The following ZMYM2 variants were observed in gnomAD, a reference collection of about 807,000 sequenced individuals.
The protein encoded by ZMYM2 is zinc finger MYM-type protein 2.
ZMYM2 carries 56 observed loss-of-function variants against 162.8 expected under a neutral mutation model. That is an observed-to-expected ratio of 0.34 (90% CI 0.28 to 0.43). The LOEUF (loss-of-function observed/expected upper bound fraction) is 0.43. ZMYM2 is among the 20% of genes least tolerant of loss of function. The probability of loss-of-function intolerance (pLI) is 1.00; values close to 1 mark genes in which losing one functional copy is unlikely to be tolerated. For synonymous variants in ZMYM2, 510 were observed against 541.6 expected, an observed-to-expected ratio of 0.94 and a Z score of 0.81; for missense variants, 1,275 against 1,621.8, an observed-to-expected ratio of 0.79 and a Z score of 3.67.
chr13:19,918,577 C>T, the ZMYM2 span, among the ~76,000 whole-genome samples: 2 of 139,864 alleles, frequency 1.4e-5, no homozygotes, highest in African/African-American at 2.7e-5. Context: ...TGGCTCACTG[C>T]AACCTCTGCC....
At chr13:20,000,872 T>C (rs917479905) in intron 3 of ZMYM2, among the ~76,000 whole-genome samples, 1 of 152,256 alleles carries the variant, frequency 6.6e-6, no homozygotes, top group Admixed American at 6.5e-5. Flanking sequence ...ATTCCTCTGA[T>C]GGATCTAGGC....
At chr13:20,083,592 G>A in intron 23 of ZMYM2, 64 bp from the exon 24 acceptor site, 1 of 1,262,910 alleles carries the variant, frequency 7.9e-7, no homozygotes, top group Admixed American at 2.3e-5. Flanking sequence ...CAGACACTAG[G>A]AGTGATGTTT....
chr13:19,885,159 A>C, the ZMYM2 span, among the ~76,000 whole-genome samples: 2 of 152,216 alleles, frequency 1.3e-5, no homozygotes, highest in Non-Finnish European at 2.9e-5. Context: ...CTGTAGTCCC[A>C]GAAACTCAGA....
chr13:19,964,148 G>A (rs1250351740), intron 2 of ZMYM2, among the ~76,000 whole-genome samples: 1 of 150,952 alleles, frequency 6.6e-6, no homozygotes, highest in Non-Finnish European at 1.5e-5. Context: ...AGACTGAGGC[G>A]GGTGGATCAC....
intron 6 of ZMYM2, among the ~76,000 whole-genome samples, chr13:20,016,105 G>A (rs543378905): frequency 8.7e-4 from 132 of 151,232 alleles, no homozygotes; most frequent in Non-Finnish European, 1.2e-3. Context: ...CTGCATTATG[G>A]CTTTTATGTT....
the ZMYM2 span, among the ~76,000 whole-genome samples, chr13:19,923,352 G>T: frequency 1.2e-4 from 7 of 59,114 alleles, 1 homozygote; most frequent in East Asian, 6.3e-4. Context: ...GCGAGACTCC[G>T]TCGCAAAAAA....
At chr13:20,068,127 A>G (rs577426780) in intron 21 of ZMYM2, 11 of 179,854 alleles carry the variant, frequency 6.1e-5, no homozygotes, top group African/African-American at 2.4e-4. Flanking sequence ...GTGCAGATAT[A>G]TAGTGCATGG....
At chr13:19,914,296 T>C in the ZMYM2 span, among the ~76,000 whole-genome samples, 3 of 152,250 alleles carry the variant, frequency 2.0e-5, no homozygotes, top group Non-Finnish European at 4.4e-5. Context: ...GTGGATAAGA[T>C]TACTCATTCT....
At chr13:20,021,576 C>G (rs1412503351) in intron 7 of ZMYM2, among the ~76,000 whole-genome samples, 1 of 152,128 alleles carries the variant, frequency 6.6e-6, no homozygotes, top group Non-Finnish European at 1.5e-5. Flanking sequence ...GTAGAGCAAA[C>G]TTTAGCCTGG....
At chr13:19,871,303 A>C in the ZMYM2 span, among the ~76,000 whole-genome samples, 16,266 of 152,260 alleles carry the variant, frequency 0.11, 995 homozygotes, top group Middle Eastern at 0.14. Flanking sequence ...AACAACAATA[A>C]TGTATAAAAT....
intron 9 of ZMYM2, 44 bp from the exon 10 acceptor site, chr13:20,031,275 C>G (rs1294072005): frequency 7.4e-7 from 1 of 1,356,628 alleles, no homozygotes; most frequent in South Asian, 1.3e-5. Flanking sequence ...AATAGAAATT[C>G]AAACATACAT....
the ZMYM2 span, among the ~76,000 whole-genome samples, chr13:19,866,651 C>T: frequency 1.3e-5 from 2 of 152,044 alleles, no homozygotes; most frequent in African/African-American, 4.8e-5. Flanking sequence ...GCAACAAGGG[C>T]GAAACTCCGT....
chr13:19,969,834 T>C (rs1394940376), intron 2 of ZMYM2, among the ~76,000 whole-genome samples: 2 of 152,012 alleles, frequency 1.3e-5, no homozygotes, highest in Admixed American at 6.6e-5. Flanking sequence ...TTTAAAGCAA[T>C]CTGAAACATT....
At chr13:19,970,600 C>CA (rs11365281) in intron 2 of ZMYM2, among the ~76,000 whole-genome samples, 1,126 of 88,020 alleles carry the variant, frequency 0.013, 15 homozygotes, top group African/African-American at 0.038. Flanking sequence ...AACCCCAAAC[C>CA]AAAAAAAAAA....
intron 2 of ZMYM2, among the ~76,000 whole-genome samples, chr13:19,991,928 T>C (rs1949662218): frequency 6.6e-6 from 1 of 152,184 alleles, no homozygotes; most frequent in Non-Finnish European, 1.5e-5. Flanking sequence ...GTAGTCTCCC[T>C]CTGCATGTCT....
chr13:19,996,900 A>C (rs544014651), intron 3 of ZMYM2, among the ~76,000 whole-genome samples: 1 of 152,254 alleles, frequency 6.6e-6, no homozygotes, highest in South Asian at 2.1e-4. Context: ...CAAATAAAGA[A>C]AGCTGAGCAT....
chr13:19,879,886 G>A, the ZMYM2 span, among the ~76,000 whole-genome samples: 4 of 152,140 alleles, frequency 2.6e-5, no homozygotes, highest in African/African-American at 9.7e-5. Context: ...AAAGATTATC[G>A]GCCCTCACTA....
chr13:20,035,038 T>A (rs1253456549), intron 11 of ZMYM2, among the ~76,000 whole-genome samples: 1 of 152,226 alleles, frequency 6.6e-6, no homozygotes, highest in Non-Finnish European at 1.5e-5. Context: ...CTGTTCCCAA[T>A]GTGACATTCT....
intron 16 of ZMYM2, 76 bp downstream of exon 16, chr13:20,059,638 T>G (rs1206166303): frequency 4.0e-6 from 3 of 749,348 alleles, no homozygotes; most frequent in African/African-American, 3.5e-5. Context: ...CAGTTGACCC[T>G]TGAACAACAA....
Sources: allele counts gnomAD v4.1 joint callset (sites outside exome capture counted in the v4.1 genomes callset), GRCh38; gene constraint gnomAD v4.1.1; transcripts MANE v1.5; gene names NCBI Gene and HGNC (gene_info 2026-07-23, HGNC 2026-07-21).